ZNF787: variants seen among roughly 807,000 people sequenced by gnomAD.
ZNF787 encodes the protein TTF-I-interacting peptide 20.
In ZNF787, 7 loss-of-function variants were observed where a neutral mutation model predicts 16.9. The observed-to-expected ratio is 0.42, with a 90% confidence interval of 0.24 to 0.78. The LOEUF (loss-of-function observed/expected upper bound fraction) is 0.78. Ranked by LOEUF, ZNF787 falls within the 30% of genes least tolerant of loss-of-function variation. The probability of loss-of-function intolerance (pLI) is 0.30; values close to 1 mark genes in which losing one functional copy is unlikely to be tolerated. For synonymous variants in ZNF787, 345 were observed against 270.9 expected, an observed-to-expected ratio of 1.27 and a Z score of -2.69; for missense variants, 551 against 589.3, an observed-to-expected ratio of 0.94 and a Z score of 0.67.
intron 1 of ZNF787, among the ~76,000 whole-genome samples, chr19:56,115,677 C>G (rs888775889): frequency 6.6e-6 from 1 of 152,140 alleles, no homozygotes; most frequent in Non-Finnish European, 1.5e-5. Context: ...ACACCCTCCC[C>G]GTCAGAGCCG....
intron 2 of ZNF787, among the ~76,000 whole-genome samples, chr19:56,091,167 T>A (rs975739629): frequency 1.3e-5 from 2 of 152,142 alleles, no homozygotes; most frequent in African/African-American, 4.8e-5. Context: ...CCCGGGGCAG[T>A]GTGACTGAAG....
intron 2 of ZNF787, chr19:56,102,318 G>GC (rs1296722968): frequency 6.5e-6 from 1 of 152,958 alleles, no homozygotes; most frequent in African/African-American, 2.4e-5. Context: ...GGTCTGCTGA[G>GC]CCCCGGCCAG....
chr19:56,112,549 ACCT>A (rs906080532), intron 1 of ZNF787, among the ~76,000 whole-genome samples: 2 of 131,206 alleles, frequency 1.5e-5, no homozygotes, highest in Non-Finnish European at 3.3e-5. Flanking sequence ...TGCCAATCTC[ACCT>A]CCTCCTCCCC....
At chr19:56,103,761 G>A (rs889301480) in intron 1 of ZNF787, among the ~76,000 whole-genome samples, 1 of 151,364 alleles carries the variant, frequency 6.6e-6, no homozygotes, top group African/African-American at 2.4e-5. Context: ...GGGTCTCTGC[G>A]CACGACACCA....
chr19:56,114,131 T>G (rs2030061338), intron 1 of ZNF787, among the ~76,000 whole-genome samples: 1 of 152,060 alleles, frequency 6.6e-6, no homozygotes, highest in Admixed American at 6.5e-5. Flanking sequence ...TCCAAGTTCC[T>G]CCCCAGGCAC....
intron 2 of ZNF787, among the ~76,000 whole-genome samples, chr19:56,097,348 C>T (rs1216968906): frequency 1.3e-5 from 2 of 152,256 alleles, no homozygotes; most frequent in Non-Finnish European, 2.9e-5. Flanking sequence ...GTTTCAAAAA[C>T]GCCCCAGGTC....
chr19:56,106,732 C>G (rs1043348409), intron 1 of ZNF787, among the ~76,000 whole-genome samples: 4 of 152,286 alleles, frequency 2.6e-5, no homozygotes, highest in Admixed American at 6.5e-5. Context: ...CTGAGGAAAC[C>G]TCCGGCATCC....
intron 2 of ZNF787, among the ~76,000 whole-genome samples, chr19:56,093,041 G>A (rs994647273): frequency 1.3e-5 from 2 of 151,228 alleles, no homozygotes; most frequent in South Asian, 2.1e-4. Flanking sequence ...CCATAGACAC[G>A]GGATGGTGGA....
chr19:56,098,720 C>T (rs1237156533), intron 2 of ZNF787, among the ~76,000 whole-genome samples: 1 of 77,518 alleles, frequency 1.3e-5, no homozygotes, highest in Non-Finnish European at 2.8e-5. Context: ...TGATTACGGC[C>T]GCAGGGTGAT....
In ZNF787 at chr19:56,087,971, G is replaced by A. The variant is rs1985369959; in HGVS notation, c.*52C>T. The A allele has an allele frequency of 6.9e-6, 9 of 1,296,796 alleles. No individual in the cohort carries two copies. The highest frequency in any genetic ancestry group is 2.0e-5 in the South Asian group (1 of 48,960). The allele number at this position is 1,296,796 out of a possible 1,614,324, so 80.3% of individuals were successfully genotyped here. Reference sequence around the variant, plus strand: ...GGGTCTCTTGGTCTTGCACGTCGTCGCTCCCGCCAAGCCCGAGGGGCCCTG... The same window carrying A: ...GGGTCTCTTGGTCTTGCACGTCGTCACTCCCGCCAAGCCCGAGGGGCCCTG... On this transcript the variant is annotated 3_prime_UTR_variant, in exon 3 of 3. Transcript: ENST00000610935.
intron 2 of ZNF787, among the ~76,000 whole-genome samples, chr19:56,091,952 C>CGAAAA (rs1985600128): frequency 1.3e-4 from 3 of 23,004 alleles, no homozygotes; most frequent in East Asian, 3.5e-3. Context: ...AAAGCCAAAG[C>CGAAAA]CGAAACCGAA....
In ZNF787 at chr19:56,088,142, G is replaced by A; in HGVS notation, c.1030C>T (p.Pro344Ser). 2.6e-6 allele frequency: 4 copies of A among 1,554,396 alleles called. No homozygotes were observed. Among genetic ancestry groups the A allele is most frequent in the Non-Finnish European group, 3.5e-6 (4 of 1,155,714 alleles). Residue 344 changes from proline to serine, a missense_variant, in exon 3 of 3, where the codon CCC (proline) becomes TCC (serine). Physicochemically the swap from Pro to Ser is moderately conservative, Grantham distance 74. Coordinates refer to ENST00000610935, the MANE Select transcript of ZNF787 (RefSeq NM_001002836.4). This position sits in a 1 kb window ranked among gnomAD's most constrained non-coding sequence, Gnocchi z 8.6. The part of the protein sequence containing the change: ...RHKKIHAVGA[P>S]SVCSSCGQSY... ...TGTCCGCAGCTGCTGCAGACCGAGG[G>A]CGCGCCCACCGCGTGGATCTTCTTG... is the stretch of plus-strand genomic sequence containing the variant.
intron 2 of ZNF787, among the ~76,000 whole-genome samples, chr19:56,098,904 G>A (rs543048417): frequency 6.6e-6 from 1 of 152,236 alleles, no homozygotes; most frequent in African/African-American, 2.4e-5. Context: ...TAGGTGATAA[G>A]GCGGCACCAG....
At position 56,088,034 on chromosome 19, in the gene ZNF787, C is replaced by A. The variant is rs772010501; in HGVS notation, c.1138G>T (p.Glu380Ter). 1 of 1,297,670 alleles carries A rather than the reference C, an allele frequency of 7.7e-7. No individual in the cohort carries two copies. The allele number at this position is 1,297,670 out of a possible 1,614,324, so 80.4% of individuals were successfully genotyped here. Residue 380 changes from glutamate to a stop codon, truncating the protein, a stop_gained, in exon 3 of 3, where the codon GAG becomes TAG. Coordinates refer to ENST00000610935, the MANE Select transcript of ZNF787 (RefSeq NM_001002836.4). LOFTEE classifies it high-confidence loss of function. The surrounding 1 kb of genome is among the most constrained non-coding windows in gnomAD (Gnocchi z 8.6). ...GGRCPECRGG[E>*]GR ...CCCGGGCCCCTCCCCTACCGGCCCTCCCCACCGCGGCACTCGGGGCACCGC... is the reference window on the plus strand; with the variant it reads ...CCCGGGCCCCTCCCCTACCGGCCCTACCCACCGCGGCACTCGGGGCACCGC...
Position 56,087,736 on chromosome 19 carries a change from CT to C in ZNF787, c.*286del, listed in dbSNP as rs1985335521. 1 of 314,248 alleles carries C rather than the reference CT, an allele frequency of 3.2e-6. No individual in the cohort carries two copies. Among genetic ancestry groups the C allele is most frequent in the Admixed American group, 5.3e-5 (1 of 18,708 alleles). The allele number at this position is 314,248 out of a possible 1,614,324, so 19.5% of individuals were successfully genotyped here. A position where few individuals can be genotyped will look rare whatever the true frequency, so the allele number is the denominator to read the frequency against. On this transcript the variant is annotated 3_prime_UTR_variant, in exon 3 of 3. Transcript: ENST00000610935. ...CCTTCCGCTTGGGGCCTGGTCGCCA[CT>C]CGGCCTCTGCAGTTCTCTCCATTGT...
At chr19:56,096,668 G>A (rs938924776) in intron 2 of ZNF787, among the ~76,000 whole-genome samples, 2 of 152,234 alleles carry the variant, frequency 1.3e-5, no homozygotes, top group South Asian at 2.1e-4. Context: ...AGCCGAGATC[G>A]TGCCGTTGCA....
At chr19:56,102,762 C>T in intron 2 of ZNF787, 1 of 606,866 alleles carries the variant, frequency 1.6e-6, no homozygotes, top group Non-Finnish European at 2.9e-6. Flanking sequence ...CAGGGAGGGC[C>T]ACAGGCCCGC....
rs527485163 is a variant in ZNF787 at position 56,087,902 on chromosome 19, C to G, written c.*121G>C. On this transcript the variant is annotated 3_prime_UTR_variant, in exon 3 of 3. Transcript: ENST00000610935. Reference sequence around the variant, plus strand: ...CGCAGGGACAGAGGAGGGCGGGGAGCCGGGGATGCCGCGGGGTCCATCGCA... The same window carrying G: ...CGCAGGGACAGAGGAGGGCGGGGAGGCGGGGATGCCGCGGGGTCCATCGCA... 4.6e-4 allele frequency: 589 copies of G among 1,271,814 alleles called. 2 individuals are homozygous for G. In the African/African-American group the frequency reaches 8.5e-3, roughly 18 times the overall value. The allele number at this position is 1,271,814 out of a possible 1,614,324, so 78.8% of individuals were successfully genotyped here. A position where few individuals can be genotyped will look rare whatever the true frequency, so the allele number is the denominator to read the frequency against.
rs544216176 is a variant in ZNF787, at chr19:56,119,950, A to C, written c.-11+1222T>G. ...CCCAGATGGGTTCTAAGCACTGCGC[A>C]ACATGGGACCTGGGAGCAGGACACC... On this transcript the variant is annotated intron_variant, in intron 1 of 2. Transcript: ENST00000610935. Among the ~76,000 whole-genome samples, 3 of 149,710 alleles carry C rather than the reference A, an allele frequency of 2.0e-5. No individual in the cohort carries two copies. The South Asian group carries it at 6.7e-4, about 33-fold the overall frequency.
Sources: gnomAD v4.1 joint callset for allele counts (sites outside exome capture counted in the v4.1 genomes callset) on GRCh38, gnomAD v4.1.1 for gene constraint, Gnocchi (gnomAD v3.1) non-coding constraint, MANE v1.5 for transcripts, NCBI Gene and HGNC (gene_info 2026-07-23, HGNC 2026-07-21) for gene names.